The following EPC2 variants were observed in gnomAD, a reference collection of about 807,000 sequenced individuals.
EPC2 encodes enhancer of polycomb 2.
A neutral mutation model predicts 92.1 loss-of-function variants in EPC2; 14 were observed. The ratio of observed to expected loss-of-function variants is 0.15; its 90% CI spans 0.10 to 0.24. The LOEUF (loss-of-function observed/expected upper bound fraction) is 0.24, where lower values mean the gene tolerates loss of function less well. Among genes scored for constraint, EPC2 ranks in the 10% least tolerant of loss-of-function variants. EPC2 has a pLI of 1.00. For synonymous variants in EPC2, 340 were observed against 334.7 expected (o/e 1.02, Z -0.17); for missense variants, 755 against 971.5 (o/e 0.78, Z 2.96).
Position 148,783,687 on chromosome 2 carries a change from A to G in EPC2, c.1948A>G (p.Ser650Gly), listed in dbSNP as rs772442533. ...ASAVVSAPVP[S>G]RSEVAKEQNT... ...TGCAGTGGTCAGTGCACCTGTTCCA[A>G]GTCGCAGTGAGGTAGCCAAGGAACA... is the stretch of plus-strand genomic sequence containing the variant. The change falls in exon 12 of 14, where the codon AGT becomes GGT. Residue 650 changes from serine (S) to glycine (G), a missense_variant. Transcript: ENST00000258484. The G allele has an allele frequency of 1.1e-5, 17 of 1,596,138 alleles. No homozygotes were observed. Among genetic ancestry groups the G allele is most frequent in the African/African-American group, 5.4e-5 (4 of 74,720 alleles).
At chr2:148,741,532 T>TTC (rs1182516263) in intron 2 of EPC2, among the ~76,000 whole-genome samples, 1 of 152,172 alleles carries the variant, frequency 6.6e-6, no homozygotes, top group Non-Finnish European at 1.5e-5. Context: ...ATTATATACA[T>TTC]CTGTTCCTAT....
chr2:148,786,844 A>G lies in EPC2; in HGVS notation c.*467A>G, dbSNP rs531367477. The G allele has an allele frequency of 3.3e-5, 5 of 153,402 alleles. No individual in the cohort carries two copies. Among genetic ancestry groups the G allele is most frequent in the African/African-American group, 1.2e-4 (5 of 41,572 alleles). 9.5% of individuals were successfully genotyped at this position (153,402 alleles called of 1,614,324 possible). ...GTAATTTTTTTCTAAAGGAACTGTA[A>G]AGTTTTCACTTGGTTCATTTTGTTT... is the stretch of plus-strand genomic sequence containing the variant. On this transcript the variant is annotated 3_prime_UTR_variant, in exon 14 of 14. Coordinates refer to ENST00000258484, the MANE Select transcript of EPC2 (RefSeq NM_015630.4).
At chr2:148,778,737 GTAA>G (rs1170575889) in intron 10 of EPC2, among the ~76,000 whole-genome samples, 1 of 152,052 alleles carries the variant, frequency 6.6e-6, no homozygotes, top group Non-Finnish European at 1.5e-5. Flanking sequence ...AAGTTTTGAA[GTAA>G]TAATAAACAG....
intron 2 of EPC2, chr2:148,692,349 C>T (rs1681663481): frequency 6.5e-6 from 1 of 153,916 alleles, no homozygotes. Flanking sequence ...TCCTTTTAGA[C>T]TGTGAGCTCC....
chr2:148,651,267 C>G (rs954277566), intron 1 of EPC2, among the ~76,000 whole-genome samples: 1 of 152,212 alleles, frequency 6.6e-6, no homozygotes, highest in Non-Finnish European at 1.5e-5. Flanking sequence ...TAGATGCTTT[C>G]TGTCAATCAT....
chr2:148,732,598 C>G (rs1008692632), intron 2 of EPC2, among the ~76,000 whole-genome samples: 2 of 152,044 alleles, frequency 1.3e-5, no homozygotes, highest in Non-Finnish European at 2.9e-5. Context: ...CCAGGCTGGT[C>G]TTGAACTCCT....
intron 1 of EPC2, among the ~76,000 whole-genome samples, chr2:148,649,730 A>G (rs1226775801): frequency 6.6e-6 from 1 of 152,250 alleles, no homozygotes; most frequent in Non-Finnish European, 1.5e-5. Flanking sequence ...ACAAAAGCAT[A>G]TACTCATAGT....
intron 3 of EPC2, among the ~76,000 whole-genome samples, chr2:148,748,852 T>C (rs775283704): frequency 6.6e-6 from 1 of 152,142 alleles, no homozygotes; most frequent in Non-Finnish European, 1.5e-5. Context: ...GATTTATAGA[T>C]TAGAGCTGCT....
intron 1 of EPC2, among the ~76,000 whole-genome samples, chr2:148,650,276 C>A (rs1680651017): frequency 6.6e-6 from 1 of 152,116 alleles, no homozygotes; most frequent in Admixed American, 6.5e-5. Flanking sequence ...TCCCCCTCCC[C>A]CAATATCTAT....
rs1038021570 is a variant in EPC2 at position 148,762,140 on chromosome 2, A to T, written c.815+210A>T. 2.9e-4 allele frequency: 111 copies of T among 378,122 alleles called. 1 individual carries two copies. Among genetic ancestry groups the T allele is most frequent in the African/African-American group, 2.2e-3 (101 of 46,284 alleles). The allele number at this position is 378,122 out of a possible 1,614,324, so 23.4% of individuals were successfully genotyped here. Reference sequence around the variant, plus strand: ...TGCAGATTTTGGGAGAGTTTTGTGTATACTGTAGATCCTATACTTAATTTT... The same window carrying T: ...TGCAGATTTTGGGAGAGTTTTGTGTTTACTGTAGATCCTATACTTAATTTT... On this transcript the variant is annotated intron_variant, in intron 5 of 13. Transcript: ENST00000258484.
At chr2:148,671,287 A>AT (rs60048357) in intron 1 of EPC2, among the ~76,000 whole-genome samples, 9,691 of 126,924 alleles carry the variant, frequency 0.076, 560 homozygotes, top group African/African-American at 0.13. Context: ...GTGGATTGTG[A>AT]TTTTTTTTTT....
intron 2 of EPC2, among the ~76,000 whole-genome samples, chr2:148,724,706 A>G (rs1418416031): frequency 1.3e-5 from 2 of 152,130 alleles, no homozygotes; most frequent in African/African-American, 4.8e-5. Flanking sequence ...TTTGTATAGT[A>G]ACTGACAGTA....
intron 2 of EPC2, among the ~76,000 whole-genome samples, chr2:148,710,659 A>G (rs1558816866): frequency 2.0e-5 from 3 of 150,214 alleles, no homozygotes; most frequent in Non-Finnish European, 4.4e-5. Flanking sequence ...ATGGAATACT[A>G]TGCAGCCATA....
chr2:148,729,955 T>G (rs774806707), intron 2 of EPC2, among the ~76,000 whole-genome samples: 1 of 151,944 alleles, frequency 6.6e-6, no homozygotes, highest in Non-Finnish European at 1.5e-5. Flanking sequence ...AGGAGAGGAG[T>G]GTAGTGTGTA....
At chr2:148,657,746 C>T (rs1177578337) in intron 1 of EPC2, among the ~76,000 whole-genome samples, 1 of 152,082 alleles carries the variant, frequency 6.6e-6, no homozygotes, top group East Asian at 1.9e-4. Context: ...ATTGATTTGT[C>T]TAGGTAGAAA....
At chr2:148,736,701 T>G (rs534784785) in intron 2 of EPC2, among the ~76,000 whole-genome samples, 3 of 152,206 alleles carry the variant, frequency 2.0e-5, no homozygotes, top group Non-Finnish European at 4.4e-5. Flanking sequence ...ACACTTACTT[T>G]TTTTTAATAT....
chr2:148,762,749 C>A lies in EPC2; in HGVS notation c.895C>A (p.Pro299Thr). 1 of 1,610,754 alleles carries A rather than the reference C, an allele frequency of 6.2e-7. No individual in the cohort carries two copies. Among genetic ancestry groups the A allele is most frequent in the Non-Finnish European group, 8.5e-7 (1 of 1,178,688 alleles). Residue 299 changes from proline (P) to threonine (T), a missense_variant, in exon 6 of 14, where the codon CCA becomes ACA. Around this residue, in one of 4 missense-constraint regions of EPC2, gnomAD observed 509 missense variants for 607.7 expected, o/e 0.84. Transcript: ENST00000258484. ...ATCAGAAAAAGAGTTATATGCCACT[C>A]CAGCAACTCTTCATAATGGAAATCA... ...SRSEKELYATPATLHNGNHHK... is the reference protein window; with the variant it reads ...SRSEKELYATTATLHNGNHHK...
At chr2:148,646,601 CT>C (rs5835206) in intron 1 of EPC2, among the ~76,000 whole-genome samples, 108 of 148,724 alleles carry the variant, frequency 7.3e-4, no homozygotes, top group African/African-American at 2.5e-3. Flanking sequence ...TATGTGAGAA[CT>C]TTTTTTTTTA....
At position 148,776,856 on chromosome 2, in the gene EPC2, C is replaced by CTTTTTT. The variant is rs56073706; in HGVS notation, c.1721-4771_1721-4766dup. Among the ~76,000 whole-genome samples, 142 of 101,008 alleles carry CTTTTTT rather than the reference C, an allele frequency of 1.4e-3. 6 individuals carry two copies. Among genetic ancestry groups the CTTTTTT allele is most frequent in the East Asian group, 4.8e-3 (14 of 2,914 alleles). The allele number at this position is 101,008 out of a possible 152,430, so 66.3% of individuals were successfully genotyped here. The stretch of plus-strand genomic sequence containing the variant: ...ACATAGCAAGACCCTGTCTCTCTCT[C>CTTTTTT]TTTTTTTTTTTTTTTTTTTTTTGAG... On this transcript the variant is annotated intron_variant, in intron 10 of 13. Transcript: ENST00000258484.
Sources: gnomAD v4.1 joint callset for allele counts (sites outside exome capture counted in the v4.1 genomes callset) on GRCh38, gnomAD v4.1.1 for gene constraint, gnomAD v4.1.1 regional missense constraint, MANE v1.5 for transcripts, NCBI Gene and HGNC (gene_info 2026-07-23, HGNC 2026-07-21) for gene names.